CDH22: variants seen among roughly 807,000 people sequenced by gnomAD.
CDH22 encodes the protein cadherin-22.
In CDH22, 30 loss-of-function variants were observed where a neutral mutation model predicts 58.4. That is an observed-to-expected ratio of 0.51 (90% CI 0.38 to 0.70). The LOEUF (loss-of-function observed/expected upper bound fraction) is 0.70. Ranked by LOEUF, CDH22 falls within the 30% of genes least tolerant of loss-of-function variation. CDH22 has a pLI of 0.00. For synonymous variants in CDH22, 513 were observed against 558.2 expected, an observed-to-expected ratio of 0.92 and a Z score of 1.14; for missense variants, 1,014 against 1,233.9, an observed-to-expected ratio of 0.82 and a Z score of 2.67.
intron 4 of CDH22, among the ~76,000 whole-genome samples, chr20:46,223,657 T>TTC (rs1568664066): frequency 9.3e-5 from 13 of 140,382 alleles, no homozygotes; most frequent in African/African-American, 2.6e-4. Context: ...TTCTCTTTCT[T>TTC]TTTCTTTCCT....
chr20:46,265,019 T>A (rs2086451868), intron 1 of CDH22, among the ~76,000 whole-genome samples: 1 of 152,104 alleles, frequency 6.6e-6, no homozygotes, highest in Admixed American at 6.5e-5. Flanking sequence ...TGCACCTGTC[T>A]CCCTGCCCTG....
Position 46,210,343 on chromosome 20 carries a change from G to A in CDH22, c.1250C>T (p.Thr417Met). Residue 417 changes from threonine to methionine, a missense_variant, in exon 7 of 12, where the codon ACG (threonine) becomes ATG (methionine). Physicochemically the swap from Thr to Met is moderately conservative, Grantham distance 81 (BLOSUM62 -1). This residue lies in a region of CDH22 where 806 missense variants were observed against 1,038.7 expected (regional missense o/e 0.78). Coordinates refer to ENST00000537909, the MANE Select transcript of CDH22 (RefSeq NM_021248.3). This position sits in a 1 kb window ranked among gnomAD's most constrained non-coding sequence, Gnocchi z 4.5. ...GTTGGCGGCGTCGGGGTCCCGCGCCGTCACCACGCCGACCAGGGAGCCCAC... is the reference window on the plus strand; with the variant it reads ...GTTGGCGGCGTCGGGGTCCCGCGCCATCACCACGCCGACCAGGGAGCCCAC... The part of the protein sequence containing the change: ...AQVGSLVGVV[T>M]ARDPDAANRP... 1.4e-6 allele frequency: 2 copies of A among 1,464,124 alleles called. No homozygotes were observed. The highest frequency in any genetic ancestry group is 9.0e-7 in the Non-Finnish European group (1 of 1,112,292). The allele number at this position is 1,464,124 out of a possible 1,614,324, so 90.7% of individuals were successfully genotyped here. A position where few individuals can be genotyped will look rare whatever the true frequency, so the allele number is the denominator to read the frequency against.
intron 1 of CDH22, among the ~76,000 whole-genome samples, chr20:46,275,831 C>T (rs917446637): frequency 6.6e-6 from 1 of 151,850 alleles, no homozygotes; most frequent in African/African-American, 2.4e-5. Context: ...GGGAAACCCT[C>T]TTAGCCCCAT....
At chr20:46,243,108 C>A (rs1225614007) in intron 2 of CDH22, among the ~76,000 whole-genome samples, 3 of 152,136 alleles carry the variant, frequency 2.0e-5, no homozygotes, top group Non-Finnish European at 4.4e-5. Context: ...CAAGAGAATC[C>A]CTAAAGTTCC....
intron 1 of CDH22, among the ~76,000 whole-genome samples, chr20:46,267,968 G>A (rs1007907377): frequency 2.0e-5 from 3 of 152,252 alleles, no homozygotes; most frequent in Non-Finnish European, 4.4e-5. Context: ...CTCAGCAGGG[G>A]CCTCAGCTGC....
At chr20:46,217,143 A>C in intron 4 of CDH22, 150 bp from the exon 5 acceptor site, 2 of 661,298 alleles carry the variant, frequency 3.0e-6, no homozygotes, top group Non-Finnish European at 5.1e-6. Context: ...CCACGTGTCC[A>C]CCATGTGGGA....
chr20:46,235,264 C>A (rs1346253921), intron 3 of CDH22, among the ~76,000 whole-genome samples: 1 of 152,186 alleles, frequency 6.6e-6, no homozygotes, highest in Admixed American at 6.5e-5. Context: ...TGTGGGAGAC[C>A]TGTGAAATCC....
intron 1 of CDH22, among the ~76,000 whole-genome samples, chr20:46,305,831 C>T (rs199517657): frequency 6.6e-6 from 1 of 152,274 alleles, no homozygotes; most frequent in East Asian, 1.9e-4. Context: ...CCTGCCTTAG[C>T]TATGGCCCGG....
intron 1 of CDH22, among the ~76,000 whole-genome samples, chr20:46,270,653 A>T (rs1228206511): frequency 1.3e-5 from 2 of 152,162 alleles, no homozygotes; most frequent in East Asian, 1.9e-4. Flanking sequence ...GAGTTCCCAT[A>T]CAGGGTTATA....
chr20:46,176,416 T>C (rs2085739785), intron 11 of CDH22, among the ~76,000 whole-genome samples: 1 of 151,960 alleles, frequency 6.6e-6, no homozygotes, highest in Admixed American at 6.6e-5. Flanking sequence ...CCCACCTCAG[T>C]GTTAGGAACC....
Position 46,216,728 on chromosome 20 carries a change from G to T in CDH22, c.838+98C>A. 1.8e-6 allele frequency: 2 copies of T among 1,133,394 alleles called. No homozygotes were observed. Among genetic ancestry groups the T allele is most frequent in the Non-Finnish European group, 1.3e-6 (1 of 778,544 alleles). 70.2% of individuals were successfully genotyped at this position (1,133,394 alleles called of 1,614,324 possible). A position where few individuals can be genotyped will look rare whatever the true frequency, so the allele number is the denominator to read the frequency against. Reference sequence around the variant, plus strand: ...AAAGAGAGGGGGAAGCCCTTCTTTTGGTGGGAAGTCTAAAGGGAAGCTGGG... The same window carrying T: ...AAAGAGAGGGGGAAGCCCTTCTTTTTGTGGGAAGTCTAAAGGGAAGCTGGG... On this transcript the variant is annotated intron_variant, in intron 5 of 11. Coordinates refer to ENST00000537909, the MANE Select transcript of CDH22 (RefSeq NM_021248.3). This position sits in a 1 kb window ranked among gnomAD's most constrained non-coding sequence, Gnocchi z 5.3.
intron 8 of CDH22, among the ~76,000 whole-genome samples, chr20:46,197,929 G>A (rs926547440): frequency 2.6e-5 from 4 of 152,176 alleles, no homozygotes; most frequent in African/African-American, 7.2e-5. Context: ...CTTGGGTCAG[G>A]AGGGGCCTGG....
intron 3 of CDH22, among the ~76,000 whole-genome samples, chr20:46,237,199 G>T (rs1440252054): frequency 6.6e-6 from 1 of 152,204 alleles, no homozygotes; most frequent in Non-Finnish European, 1.5e-5. Flanking sequence ...GGGGCAGGAA[G>T]TCGACCAAGG....
chr20:46,241,277 G>T lies in CDH22; in HGVS notation c.256-20C>A. On this transcript the variant is annotated intron_variant, in intron 2 of 11. Transcript: ENST00000537909. This position sits in a 1 kb window ranked among gnomAD's most constrained non-coding sequence, Gnocchi z 5.2. ...GTGGATCTGGGTAGGCAGAGAAGAA[G>T]GCAAGGTGGAGGCTGAGAAGGAAGC... 6.4e-7 allele frequency: 1 copy of T among 1,568,132 alleles called. No individual in the cohort carries two copies. The highest frequency in any genetic ancestry group is 8.7e-7 in the Non-Finnish European group (1 of 1,153,554).
intron 1 of CDH22, among the ~76,000 whole-genome samples, chr20:46,286,416 A>C (rs892298751): frequency 6.6e-6 from 1 of 152,114 alleles, no homozygotes; most frequent in Non-Finnish European, 1.5e-5. Context: ...AAAAGTGCGG[A>C]CCGACCAGGG....
intron 10 of CDH22, among the ~76,000 whole-genome samples, chr20:46,184,404 T>C (rs2085810409): frequency 6.6e-6 from 1 of 152,202 alleles, no homozygotes; most frequent in African/African-American, 2.4e-5. Context: ...CTGCTTTATT[T>C]TTCACTGTTT....
At chr20:46,294,323 T>A (rs2086619233) in intron 1 of CDH22, among the ~76,000 whole-genome samples, 1 of 152,162 alleles carries the variant, frequency 6.6e-6, no homozygotes, top group Admixed American at 6.5e-5. Flanking sequence ...TGTGGGGTCC[T>A]GAGTTTCTAG....
chr20:46,293,329 C>G, intron 1 of CDH22, among the ~76,000 whole-genome samples: 1 of 152,294 alleles, frequency 6.6e-6, no homozygotes, highest in Admixed American at 6.5e-5. Flanking sequence ...AGGGAGCTGT[C>G]TGTGCTGACC....
At chr20:46,183,270 C>G (rs1034879150) in intron 10 of CDH22, among the ~76,000 whole-genome samples, 1 of 152,202 alleles carries the variant, frequency 6.6e-6, no homozygotes, top group African/African-American at 2.4e-5. Flanking sequence ...TTTCCCCAGG[C>G]AGCCTCCCAA....
Sources: allele counts gnomAD v4.1 joint callset (sites outside exome capture counted in the v4.1 genomes callset), GRCh38; gene constraint gnomAD v4.1.1; regional missense constraint gnomAD v4.1.1; non-coding constraint Gnocchi (gnomAD v3.1); transcripts MANE v1.5; gene names NCBI Gene and HGNC (gene_info 2026-07-23, HGNC 2026-07-21).